The following MTHFD2L variants were observed in gnomAD, a reference collection of about 807,000 sequenced individuals.
MTHFD2L encodes the protein methylenetetrahydrofolate dehydrogenase (NADP+ dependent) 2 like, also known as bifunctional methylenetetrahydrofolate dehydrogenase/cyclohydrolase 2, mitochondrial.
MTHFD2L carries 29 observed loss-of-function variants against 34.9 expected under a neutral mutation model. That is an observed-to-expected ratio of 0.83 (90% CI 0.62 to 1.13). The LOEUF (loss-of-function observed/expected upper bound fraction) is 1.13. Among genes scored for constraint, MTHFD2L ranks in the 50% most tolerant of loss-of-function variants. The pLI, the probability that MTHFD2L is intolerant of heterozygous loss-of-function variation, is 0.00. For missense variants in MTHFD2L, 481 were observed against 446.5 expected (o/e 1.08, Z -0.70); for synonymous variants, 167 against 155.7 (o/e 1.07, Z -0.54).
intron 6 of MTHFD2L, chr4:74,266,877 A>G (rs1745345655): frequency 3.0e-6 from 3 of 985,242 alleles, no homozygotes; most frequent in Non-Finnish European, 2.4e-6. Flanking sequence ...TAAAAAAGTA[A>G]TTTGTTTTCT....
At chr4:74,203,314 T>A (rs918634532) in intron 5 of MTHFD2L, among the ~76,000 whole-genome samples, 2 of 152,298 alleles carry the variant, frequency 1.3e-5, no homozygotes, top group African/African-American at 4.8e-5. Context: ...TAGCTTAGTC[T>A]ATTGCTGCTT....
intron 3 of MTHFD2L, among the ~76,000 whole-genome samples, chr4:74,191,361 G>GT (rs1732464615): frequency 6.9e-6 from 1 of 144,258 alleles, no homozygotes; most frequent in African/African-American, 2.8e-5. Flanking sequence ...ACTTTACCTG[G>GT]TCGTTTTTTT....
At chr4:74,217,085 C>T (rs1737330882) in intron 5 of MTHFD2L, among the ~76,000 whole-genome samples, 1 of 151,874 alleles carries the variant, frequency 6.6e-6, no homozygotes, top group Admixed American at 6.6e-5. Context: ...CATGCCCCAT[C>T]ACTGACCCCT....
Position 74,201,366 on chromosome 4 carries a change from A to G in MTHFD2L, c.708A>G (p.Pro236=), listed in dbSNP as rs1302880290. The change falls in exon 5 of 8, where the codon CCA becomes CCG. Residue 236 remains proline, a synonymous_variant. Transcript: ENST00000325278. ...ACACTGATGGAGAGCATGAACGGCC[A>G]GGAGGTAGGTAGAACCTTGCAGATT... The part of the protein sequence containing the change: ...LLHTDGEHER[P]GGDATVTIAH... 11 of 1,611,952 alleles carry G rather than the reference A, an allele frequency of 6.8e-6. No individual in the cohort carries two copies. Among genetic ancestry groups the G allele is most frequent in the Non-Finnish European group, 9.3e-6 (11 of 1,178,380 alleles).
intron 3 of MTHFD2L, among the ~76,000 whole-genome samples, chr4:74,184,575 A>G (rs1730789898): frequency 6.6e-6 from 1 of 152,162 alleles, no homozygotes; most frequent in African/African-American, 2.4e-5. Flanking sequence ...AATTATAGCC[A>G]TGTTTCAAAA....
At chr4:74,246,026 A>G (rs1312126766) in intron 6 of MTHFD2L, among the ~76,000 whole-genome samples, 1 of 146,476 alleles carries the variant, frequency 6.8e-6, no homozygotes, top group Non-Finnish European at 1.5e-5. Context: ...TGGTATTTCT[A>G]GTTCTAGATC....
At chr4:74,165,666 A>T (rs1364527736) in intron 1 of MTHFD2L, among the ~76,000 whole-genome samples, 1 of 152,202 alleles carries the variant, frequency 6.6e-6, no homozygotes, top group Non-Finnish European at 1.5e-5. Flanking sequence ...CTTGTGCTTA[A>T]TTTTAAAATT....
chr4:74,117,075 CTG>C (rs1721667110), intron 2 of MTHFD2L, among the ~76,000 whole-genome samples: 1 of 152,202 alleles, frequency 6.6e-6, no homozygotes, highest in East Asian at 1.9e-4. Context: ...CTTGAGGCCT[CTG>C]TGATGGAAAT....
intron 2 of MTHFD2L, among the ~76,000 whole-genome samples, chr4:74,116,536 C>A (rs762766459): frequency 4.1e-4 from 62 of 152,308 alleles, no homozygotes; most frequent in Middle Eastern, 3.4e-3. Context: ...TTCCTAGGCC[C>A]TCCCAAGGCC....
chr4:74,302,373 A>C lies in MTHFD2L; in HGVS notation c.*564A>C, dbSNP rs972051560. ...TGCATCCTATAAGTCCATCCTAATG[A>C]GAAATGATGTTCTATTTAAGGAAAG... is the stretch of plus-strand genomic sequence containing the variant. On this transcript the variant is annotated 3_prime_UTR_variant, in exon 8 of 8. Coordinates refer to ENST00000325278, the MANE Select transcript of MTHFD2L (RefSeq NM_001144978.3). 1 of 152,108 alleles carries C rather than the reference A, an allele frequency of 6.6e-6. No homozygotes were observed. The highest frequency in any genetic ancestry group is 1.5e-5 in the Non-Finnish European group (1 of 67,986). 9.4% of individuals were successfully genotyped at this position (152,108 alleles called of 1,614,324 possible).
chr4:74,221,245 A>G (rs1021174193), intron 5 of MTHFD2L, among the ~76,000 whole-genome samples: 2 of 151,432 alleles, frequency 1.3e-5, no homozygotes, highest in African/African-American at 4.8e-5. Context: ...AGTTTATACC[A>G]TTTGCACATG....
intron 6 of MTHFD2L, among the ~76,000 whole-genome samples, chr4:74,269,055 A>G (rs1354592364): frequency 6.6e-6 from 1 of 152,200 alleles, no homozygotes; most frequent in Non-Finnish European, 1.5e-5. Context: ...GTGAATCTAT[A>G]TAGATGATCC....
intron 7 of MTHFD2L, among the ~76,000 whole-genome samples, chr4:74,287,434 C>T (rs1748320291): frequency 6.6e-6 from 1 of 152,002 alleles, no homozygotes; most frequent in South Asian, 2.1e-4. Context: ...CAAAGGGGAA[C>T]CAAAATGCAA....
chr4:74,225,334 A>T lies in MTHFD2L; in HGVS notation c.745A>T (p.Thr249Ser), dbSNP rs759344282. 2.5e-6 allele frequency: 4 copies of T among 1,613,002 alleles called. No individual in the cohort carries two copies. The African/African-American group carries it at 5.3e-5, about 22-fold the overall frequency. Residue 249 changes from threonine (T) to serine (S), a missense_variant, in exon 6 of 8, where the codon ACC becomes TCC. Transcript: ENST00000325278. Reference protein sequence around the residue: ...DATVTIAHRYTPKEQLKIHTQ... With the variant: ...DATVTIAHRYSPKEQLKIHTQ... ...AACTGTGACAATAGCTCACAGATACACCCCCAAAGAGCAACTGAAGATTCA... is the reference window on the plus strand; with the variant it reads ...AACTGTGACAATAGCTCACAGATACTCCCCCAAAGAGCAACTGAAGATTCA...
At chr4:74,195,927 G>GC (rs1317466313) in intron 3 of MTHFD2L, 5 of 152,246 alleles carry the variant, frequency 3.3e-5, no homozygotes, top group Non-Finnish European at 5.9e-5. Context: ...ATCTCAGTGA[G>GC]CAGAAGGATG....
At chr4:74,230,493 G>A (rs962368803) in intron 6 of MTHFD2L, among the ~76,000 whole-genome samples, 3 of 151,334 alleles carry the variant, frequency 2.0e-5, no homozygotes, top group African/African-American at 4.9e-5. Flanking sequence ...AAGAGGCTGA[G>A]GCAGGAGAAT....
intron 5 of MTHFD2L, among the ~76,000 whole-genome samples, chr4:74,217,887 T>C (rs1737461265): frequency 1.3e-5 from 2 of 152,154 alleles, no homozygotes; most frequent in African/African-American, 4.8e-5. Flanking sequence ...TAAAGGGGAA[T>C]TGAAGCAGAA....
At chr4:74,130,287 A>AT (rs1722386587) in intron 1 of MTHFD2L, among the ~76,000 whole-genome samples, 1 of 152,176 alleles carries the variant, frequency 6.6e-6, no homozygotes, top group Admixed American at 6.5e-5. Context: ...CAACAAAAAA[A>AT]AGAAAACTTC....
intron 1 of MTHFD2L, among the ~76,000 whole-genome samples, chr4:74,135,252 T>A (rs1722824270): frequency 6.6e-6 from 1 of 151,772 alleles, no homozygotes; most frequent in South Asian, 2.1e-4. Flanking sequence ...CTCCAAATCA[T>A]CTTTAGCCAG....
Sources: allele counts gnomAD v4.1 joint callset (sites outside exome capture counted in the v4.1 genomes callset), GRCh38; gene constraint gnomAD v4.1.1; transcripts MANE v1.5; gene names NCBI Gene and HGNC (gene_info 2026-07-23, HGNC 2026-07-21).